RBFOX1: variants seen among roughly 807,000 people sequenced by gnomAD.
RBFOX1 encodes RNA binding protein fox-1 homolog 1.
A neutral mutation model predicts 57.7 loss-of-function variants in RBFOX1; 8 were observed. The ratio of observed to expected loss-of-function variants is 0.14; its 90% CI spans 0.08 to 0.25. The LOEUF is 0.25. Among genes scored for constraint, RBFOX1 ranks in the 10% least tolerant of loss-of-function variants. The pLI is 1.00. For missense variants in RBFOX1, 611 were observed against 548.5 expected (o/e 1.11, Z -1.14); for synonymous variants, 326 against 222.4 (o/e 1.47, Z -4.15).
At chr16:7,313,377 C>T (rs1053987147) in intron 4 of RBFOX1, among the ~76,000 whole-genome samples, 1 of 151,968 alleles carries the variant, frequency 6.6e-6, no homozygotes, top group Non-Finnish European at 1.5e-5. Flanking sequence ...CAGAACCTTC[C>T]ACTGGGGGTC....
chr16:5,880,297 C>T (rs914414789), intron 4 of RBFOX1, among the ~76,000 whole-genome samples: 2 of 152,148 alleles, frequency 1.3e-5, no homozygotes, highest in Non-Finnish European at 2.9e-5. Flanking sequence ...AGTACCTCCA[C>T]TGGTTTTTTG....
At chr16:7,017,429 T>C (rs1036876868) in intron 3 of RBFOX1, among the ~76,000 whole-genome samples, 1 of 152,200 alleles carries the variant, frequency 6.6e-6, no homozygotes, top group African/African-American at 2.4e-5. Context: ...AGATAAATCT[T>C]GGCCCCAAAC....
chr16:5,364,368 T>C (rs1038627712), intron 1 of RBFOX1, among the ~76,000 whole-genome samples: 1 of 152,186 alleles, frequency 6.6e-6, no homozygotes, highest in African/African-American at 2.4e-5. Context: ...TGTGCAGCTG[T>C]CACTCATTTT....
intron 1 of RBFOX1, chr16:6,038,919 T>G (rs2095405081): frequency 1.3e-5 from 2 of 149,456 alleles, no homozygotes; most frequent in Admixed American, 6.7e-5. Context: ...GCATCCTGGA[T>G]TTTCTGTGCA....
chr16:7,517,649 C>T lies in RBFOX1; in HGVS notation c.28-498C>T, dbSNP rs543354579. 3.9e-5 allele frequency among the ~76,000 whole-genome samples: 6 copies of T among 152,116 alleles called. No individual in the cohort carries two copies. In the East Asian group the frequency reaches 1.2e-3, roughly 30 times the overall value. ...TATTCCCATTATGTGAGCCAAGTCA[C>T]ATAAAACTTTGATTAAATTCAAATG... is the stretch of plus-strand genomic sequence containing the variant. On this transcript the variant is annotated intron_variant, in intron 4 of 15. Coordinates refer to ENST00000550418, the MANE Select transcript of RBFOX1 (RefSeq NM_018723.4).
intron 2 of RBFOX1, among the ~76,000 whole-genome samples, chr16:6,646,175 G>A (rs1194589836): frequency 6.6e-6 from 1 of 152,246 alleles, no homozygotes; most frequent in East Asian, 1.9e-4. Context: ...GTCTGGTTCA[G>A]AAAAGGTCAG....
At chr16:6,962,263 T>A (rs2083185194) in intron 3 of RBFOX1, among the ~76,000 whole-genome samples, 1 of 152,130 alleles carries the variant, frequency 6.6e-6, no homozygotes, top group Non-Finnish European at 1.5e-5. Flanking sequence ...CTCCTTTCTC[T>A]TACAAAAAGA....
chr16:5,481,018 A>G (rs1192240296), intron 2 of RBFOX1, among the ~76,000 whole-genome samples: 2 of 152,274 alleles, frequency 1.3e-5, no homozygotes, highest in African/African-American at 2.4e-5. Flanking sequence ...CTACACAATC[A>G]GAACATTGAA....
At chr16:5,552,922 A>G (rs1380334546) in intron 2 of RBFOX1, among the ~76,000 whole-genome samples, 2 of 152,148 alleles carry the variant, frequency 1.3e-5, no homozygotes, top group East Asian at 1.9e-4. Context: ...CAAGAATTCA[A>G]AAGGCAAGGT....
At chr16:5,505,702 C>T (rs1185726479) in intron 2 of RBFOX1, among the ~76,000 whole-genome samples, 2 of 152,072 alleles carry the variant, frequency 1.3e-5, no homozygotes, top group South Asian at 2.1e-4. Flanking sequence ...CAAAAGATAC[C>T]ATCTTACATT....
chr16:7,001,928 C>A (rs57116663), intron 3 of RBFOX1, among the ~76,000 whole-genome samples: 1 of 152,044 alleles, frequency 6.6e-6, no homozygotes, highest in Non-Finnish European at 1.5e-5. Context: ...AAGATCAGTT[C>A]TACTTTTTTT....
At chr16:6,950,206 C>T (rs564544392) in intron 3 of RBFOX1, among the ~76,000 whole-genome samples, 2 of 151,366 alleles carry the variant, frequency 1.3e-5, no homozygotes, top group East Asian at 3.9e-4. Context: ...GATCCACCTG[C>T]CTCAGCCTCC....
At chr16:6,536,299 G>A (rs958866497) in intron 2 of RBFOX1, among the ~76,000 whole-genome samples, 8 of 152,018 alleles carry the variant, frequency 5.3e-5, no homozygotes, top group Non-Finnish European at 2.9e-5. Flanking sequence ...AGCAAATCTC[G>A]TGGGAAGGAA....
At chr16:7,184,345 G>A in intron 4 of RBFOX1, among the ~76,000 whole-genome samples, 1 of 152,294 alleles carries the variant, frequency 6.6e-6, no homozygotes, top group East Asian at 1.9e-4. Context: ...TTCCTTAGCT[G>A]AAGAGAGAAA....
chr16:7,157,804 C>T (rs1256867873), intron 4 of RBFOX1, among the ~76,000 whole-genome samples: 3 of 152,030 alleles, frequency 2.0e-5, no homozygotes, highest in African/African-American at 7.2e-5. Context: ...ACATGTTTTC[C>T]CTTTGGTTTT....
intron 1 of RBFOX1, among the ~76,000 whole-genome samples, chr16:5,447,374 A>T (rs1034450643): frequency 2.5e-5 from 2 of 79,156 alleles, no homozygotes; most frequent in African/African-American, 1.3e-4. Context: ...CAATCAATCA[A>T]TCAATCTCTC....
chr16:5,304,052 C>G (rs2063870912), intron 1 of RBFOX1, among the ~76,000 whole-genome samples: 1 of 152,088 alleles, frequency 6.6e-6, no homozygotes. Context: ...TCCATTTGAA[C>G]TCTAATTTTA....
chr16:6,273,745 AC>A (rs367795242), intron 1 of RBFOX1, among the ~76,000 whole-genome samples: 17 of 152,232 alleles, frequency 1.1e-4, no homozygotes, highest in African/African-American at 4.1e-4. Context: ...GCTCGGCAAA[AC>A]ACCCTGCTAA....
chr16:5,855,119 A>G (rs183934047), intron 3 of RBFOX1, among the ~76,000 whole-genome samples: 2 of 152,104 alleles, frequency 1.3e-5, no homozygotes, highest in Non-Finnish European at 2.9e-5. Context: ...ATATATTTTG[A>G]ATATTATCCC....
Sources: gnomAD v4.1 joint callset for allele counts (sites outside exome capture counted in the v4.1 genomes callset) on GRCh38, gnomAD v4.1.1 for gene constraint, MANE v1.5 for transcripts, NCBI Gene and HGNC (gene_info 2026-07-23, HGNC 2026-07-21) for gene names.